Variants in RPH3A observed in about 807,000 individuals in gnomAD.
RPH3A encodes the protein rabphilin-3A.
RPH3A carries 48 observed loss-of-function variants against 102.2 expected under a neutral mutation model. The observed-to-expected ratio is 0.47, with a 90% CI of 0.37 to 0.60. RPH3A has a LOEUF of 0.60. Ranked by LOEUF, RPH3A falls within the 20% of genes least tolerant of loss-of-function variation. The pLI, the probability that RPH3A is intolerant of heterozygous loss-of-function variation, is 0.00. For synonymous variants in RPH3A, 310 were observed against 324.3 expected (o/e 0.96, Z 0.47); for missense variants, 781 against 910.1 (o/e 0.86, Z 1.83).
At chr12:112,759,280 T>A (rs1057299321) in intron 1 of RPH3A, among the ~76,000 whole-genome samples, 9 of 152,216 alleles carry the variant, frequency 5.9e-5, no homozygotes, top group Non-Finnish European at 1.0e-4. Flanking sequence ...TACTGGCATA[T>A]ATGTTAAATA....
At chr12:112,736,798 A>G (rs1448294950) in intron 1 of RPH3A, among the ~76,000 whole-genome samples, 1 of 152,302 alleles carries the variant, frequency 6.6e-6, no homozygotes. Flanking sequence ...AGACATGGAT[A>G]GGTGGACATA....
chr12:112,856,639 A>G (rs1407915582), intron 5 of RPH3A, among the ~76,000 whole-genome samples: 1 of 152,092 alleles, frequency 6.6e-6, no homozygotes, highest in Non-Finnish European at 1.5e-5. Context: ...TAAATTTCTC[A>G]TCAATGTGGC....
intron 19 of RPH3A, among the ~76,000 whole-genome samples, chr12:112,891,382 C>A (rs1216177966): frequency 1.4e-4 from 22 of 152,194 alleles, no homozygotes; most frequent in African/African-American, 5.1e-4. Context: ...CAGATTCATT[C>A]TGGAAATGCT....
At chr12:112,848,196 A>G (rs1237579488) in intron 5 of RPH3A, among the ~76,000 whole-genome samples, 1 of 152,184 alleles carries the variant, frequency 6.6e-6, no homozygotes, top group East Asian at 1.9e-4. Context: ...GGGTGTGAGC[A>G]TCAGGTGTCT....
chr12:112,638,830 C>T (rs764920813), intron 1 of RPH3A, among the ~76,000 whole-genome samples: 1 of 152,128 alleles, frequency 6.6e-6, no homozygotes. Context: ...TGAGGAAACC[C>T]GAGATGATAG....
intron 10 of RPH3A, 48 bp downstream of exon 10, chr12:112,870,087 T>TA (rs1435400721): frequency 6.5e-7 from 1 of 1,548,888 alleles, no homozygotes; most frequent in East Asian, 2.3e-5. Context: ...ATAGGGAGAC[T>TA]CAAAAAGAAT....
At chr12:112,826,163 A>G (rs772614274) in intron 2 of RPH3A, among the ~76,000 whole-genome samples, 10 of 152,152 alleles carry the variant, frequency 6.6e-5, no homozygotes, top group African/African-American at 9.7e-5. Context: ...AGGTGCATTT[A>G]GGAATAAACC....
chr12:112,819,843 T>C (rs1158750408), intron 2 of RPH3A, among the ~76,000 whole-genome samples: 1 of 152,228 alleles, frequency 6.6e-6, no homozygotes, highest in East Asian at 1.9e-4. Context: ...CAAATGGTGA[T>C]TGCAGGGTTG....
chr12:112,687,302 C>T (rs2040272727), intron 1 of RPH3A, among the ~76,000 whole-genome samples: 1 of 152,192 alleles, frequency 6.6e-6, no homozygotes, highest in Non-Finnish European at 1.5e-5. Context: ...CTAGCCTCTT[C>T]AGCATGCCTA....
At chr12:112,619,978 G>C (rs1452276369) in intron 1 of RPH3A, among the ~76,000 whole-genome samples, 1 of 152,130 alleles carries the variant, frequency 6.6e-6, no homozygotes, top group Non-Finnish European at 1.5e-5. Context: ...AAAATGTCTA[G>C]GACACCTCAA....
chr12:112,590,677 A>G (rs1274692425), intron 1 of RPH3A, among the ~76,000 whole-genome samples: 2 of 152,238 alleles, frequency 1.3e-5, no homozygotes, highest in Non-Finnish European at 2.9e-5. Flanking sequence ...AGTGTGTTTG[A>G]AATAATTTTA....
chr12:112,859,894 A>G (rs2042478083), intron 5 of RPH3A, among the ~76,000 whole-genome samples: 1 of 152,218 alleles, frequency 6.6e-6, no homozygotes, highest in Non-Finnish European at 1.5e-5. Context: ...ACAGGACTTC[A>G]TGCTTAAATT....
At chr12:112,748,165 T>C (rs2040761102) in intron 1 of RPH3A, among the ~76,000 whole-genome samples, 1 of 152,164 alleles carries the variant, frequency 6.6e-6, no homozygotes, top group South Asian at 2.1e-4. Context: ...GGGCTGTAAG[T>C]CCTATGAGGG....
At chr12:112,588,101 C>T (rs1248016787) in intron 1 of RPH3A, among the ~76,000 whole-genome samples, 2 of 152,184 alleles carry the variant, frequency 1.3e-5, no homozygotes, top group African/African-American at 2.4e-5. Context: ...ATTAGCACCT[C>T]TATGATGTCT....
rs142442110 is a variant in RPH3A, at chr12:112,785,374, A to C, written c.-139-6769A>C. ...CTATGGAGGTGATGGAAATGACATTAAGTCACTGCTGTAAGTGGGAATATA... is the reference window on the plus strand; with the variant it reads ...CTATGGAGGTGATGGAAATGACATTCAGTCACTGCTGTAAGTGGGAATATA... On this transcript the variant is annotated intron_variant, in intron 1 of 21. Coordinates refer to the RPH3A transcript ENST00000543106. Among the ~76,000 whole-genome samples, 23 of 152,300 alleles carry C rather than the reference A, an allele frequency of 1.5e-4. No homozygotes were observed. In the East Asian group the frequency reaches 3.5e-3, roughly 23 times the overall value.
At chr12:112,843,132 C>A (rs1336568195) in intron 4 of RPH3A, among the ~76,000 whole-genome samples, 5 of 152,176 alleles carry the variant, frequency 3.3e-5, no homozygotes, top group Non-Finnish European at 1.5e-5. Flanking sequence ...CATCCTGTAT[C>A]CAGAAGCCCT....
intron 1 of RPH3A, among the ~76,000 whole-genome samples, chr12:112,612,444 T>C (rs1789160430): frequency 6.6e-6 from 1 of 152,266 alleles, no homozygotes; most frequent in South Asian, 2.1e-4. Context: ...TTTGCTCCGT[T>C]AAACTTTTCA....
rs141832470 is a variant in RPH3A at position 112,836,196 on chromosome 12, A to T, written c.72-295A>T. Among the ~76,000 whole-genome samples, 203 of 152,380 alleles carry T rather than the reference A, an allele frequency of 1.3e-3. 1 individual carries two copies. The East Asian group carries it at 0.021, about 16-fold the overall frequency. On this transcript the variant is annotated intron_variant, in intron 3 of 21. Coordinates refer to ENST00000389385, the MANE Select transcript of RPH3A (RefSeq NM_001143854.2). ...ATGATGGCCATGAGATCATTCAGTG[A>T]TTCCTTTTTAGTGCCCTTAAACCAT... is the stretch of plus-strand genomic sequence containing the variant.
chr12:112,800,038 C>A (rs543518681), intron 2 of RPH3A, among the ~76,000 whole-genome samples: 1 of 152,230 alleles, frequency 6.6e-6, no homozygotes, highest in East Asian at 1.9e-4. Context: ...GTGAGGGAGC[C>A]GGAGTTCCCT....
Sources: allele counts gnomAD v4.1 joint callset (sites outside exome capture counted in the v4.1 genomes callset), GRCh38; gene constraint gnomAD v4.1.1; transcripts MANE v1.5; gene names NCBI Gene and HGNC (gene_info 2026-07-23, HGNC 2026-07-21).